The following TRDN variants were observed in gnomAD, a reference collection of about 807,000 sequenced individuals.
TRDN encodes the protein triadin in skeletal muscle.
A neutral mutation model predicts 149.7 loss-of-function variants in TRDN; 161 were observed. The ratio of observed to expected loss-of-function variants is 1.08; its 90% CI spans 0.95 to 1.23. The LOEUF (loss-of-function observed/expected upper bound fraction) is 1.23. TRDN is among the 50% of genes most tolerant of loss of function. TRDN has a pLI of 0.00. For missense variants in TRDN, 896 were observed against 823.5 expected, an observed-to-expected ratio of 1.09 and a Z score of -1.08; for synonymous variants, 294 against 250.5, an observed-to-expected ratio of 1.17 and a Z score of -1.64.
chr6:123,572,041 C>T (rs540722718), intron 1 of TRDN, among the ~76,000 whole-genome samples: 4 of 152,148 alleles, frequency 2.6e-5, no homozygotes, highest in East Asian at 1.9e-4. Context: ...AATACATGCA[C>T]GTATTTGAAA....
intron 7 of TRDN, chr6:123,509,773 C>T (rs1236316051): frequency 1.3e-5 from 2 of 150,874 alleles, no homozygotes; most frequent in East Asian, 3.9e-4. Context: ...TAATGCTTTA[C>T]AAAGCAATAA....
chr6:123,244,772 T>G (rs1193167391), intron 38 of TRDN, among the ~76,000 whole-genome samples: 1 of 151,442 alleles, frequency 6.6e-6, no homozygotes, highest in East Asian at 1.9e-4. Flanking sequence ...TCAAGAAGAG[T>G]AACTCCAAGA....
intron 1 of TRDN, among the ~76,000 whole-genome samples, chr6:123,574,730 T>C (rs1782744685): frequency 6.6e-6 from 1 of 151,520 alleles, no homozygotes; most frequent in Admixed American, 6.6e-5. Context: ...TAAACAGTAT[T>C]ACACATACCT....
At chr6:123,433,119 A>G (rs1252204196) in intron 12 of TRDN, among the ~76,000 whole-genome samples, 1 of 136,086 alleles carries the variant, frequency 7.3e-6, no homozygotes. Context: ...TACAAACCAC[A>G]CTCCCCTTCC....
chr6:123,475,749 T>C (rs575331632), intron 9 of TRDN, among the ~76,000 whole-genome samples: 135 of 138,918 alleles, frequency 9.7e-4, no homozygotes, highest in African/African-American at 3.6e-3. Context: ...CAAGGCTGGT[T>C]CAATATACGC....
chr6:123,401,326 A>G (rs1424446429), intron 12 of TRDN, among the ~76,000 whole-genome samples: 2 of 152,226 alleles, frequency 1.3e-5, no homozygotes, highest in East Asian at 3.9e-4. Context: ...AAGCAGCCCA[A>G]GGAAGAATTC....
At chr6:123,262,648 C>T (rs1246792041) in intron 33 of TRDN, among the ~76,000 whole-genome samples, 1 of 152,032 alleles carries the variant, frequency 6.6e-6, no homozygotes, top group Non-Finnish European at 1.5e-5. Context: ...TTTGTAGCAA[C>T]CCTGTATGAT....
At chr6:123,364,916 G>A (rs1275177255) in intron 20 of TRDN, among the ~76,000 whole-genome samples, 1 of 152,106 alleles carries the variant, frequency 6.6e-6, no homozygotes, top group Non-Finnish European at 1.5e-5. Flanking sequence ...AAGCAAACAA[G>A]TTTAACCCAC....
rs572692118 is a variant in TRDN, at chr6:123,261,359, T to C, written c.1805-721A>G. Among the ~76,000 whole-genome samples the C allele has an allele frequency of 1.6e-3, 239 of 151,996 alleles. 1 individual carries two copies. The highest frequency in any genetic ancestry group is 2.4e-3 in the Admixed American group (37 of 15,224). ...AGATTAAAAGTTAATAAAAACAAAC[T>C]CAGTTCATATTGACTACAGTCTGAT... is the stretch of plus-strand genomic sequence containing the variant. On this transcript the variant is annotated intron_variant, in intron 33 of 40. Transcript: ENST00000334268.
At chr6:123,582,305 G>A (rs1164770960) in intron 1 of TRDN, among the ~76,000 whole-genome samples, 2 of 152,146 alleles carry the variant, frequency 1.3e-5, no homozygotes, top group African/African-American at 4.8e-5. Flanking sequence ...ATAGACAGGT[G>A]TGTCTGGGTT....
At chr6:123,331,299 T>A (rs921971651) in intron 23 of TRDN, among the ~76,000 whole-genome samples, 5 of 152,068 alleles carry the variant, frequency 3.3e-5, no homozygotes, top group African/African-American at 9.7e-5. Flanking sequence ...AGATGCAACA[T>A]GGCACATTAG....
chr6:123,289,941 A>G (rs1239854561), intron 24 of TRDN, among the ~76,000 whole-genome samples: 8 of 152,162 alleles, frequency 5.3e-5, no homozygotes, highest in Non-Finnish European at 1.2e-4. Flanking sequence ...GTTCTCCACC[A>G]ACTCCAGAGC....
chr6:123,636,001 C>A (rs1786293057), intron 1 of TRDN, among the ~76,000 whole-genome samples: 1 of 151,690 alleles, frequency 6.6e-6, no homozygotes, highest in Non-Finnish European at 1.5e-5. Context: ...AGCATTGAAA[C>A]AGAAAATATT....
intron 7 of TRDN, among the ~76,000 whole-genome samples, chr6:123,511,820 ATTC>A (rs1320889806): frequency 3.7e-5 from 3 of 80,498 alleles, no homozygotes; most frequent in Admixed American, 2.2e-4. Flanking sequence ...CAGAATTCAT[ATTC>A]TTCTCACGTT....
chr6:123,279,150 T>C (rs1446499478), intron 24 of TRDN, 68 bp from the exon 25 acceptor site: 15 of 1,198,448 alleles, frequency 1.3e-5, no homozygotes, highest in Non-Finnish European at 1.6e-5. Flanking sequence ...CATTATTGAA[T>C]ATGATATAAT....
chr6:123,629,110 G>C (rs992660790), intron 1 of TRDN, among the ~76,000 whole-genome samples: 1 of 152,038 alleles, frequency 6.6e-6, no homozygotes, highest in African/African-American at 2.4e-5. Flanking sequence ...CTCCAGCAGT[G>C]AATGTCAGAG....
intron 38 of TRDN, among the ~76,000 whole-genome samples, chr6:123,247,449 C>T (rs1776222851): frequency 6.6e-6 from 1 of 152,100 alleles, no homozygotes; most frequent in Non-Finnish European, 1.5e-5. Context: ...TTCCTATACA[C>T]CAATAATAGA....
intron 33 of TRDN, among the ~76,000 whole-genome samples, chr6:123,261,512 A>G (rs1000496745): frequency 6.6e-6 from 1 of 151,462 alleles, no homozygotes; most frequent in African/African-American, 2.4e-5. Flanking sequence ...GTTTTTTTTA[A>G]AAAAAACTTT....
At chr6:123,273,525 G>A (rs1415430907) in intron 27 of TRDN, among the ~76,000 whole-genome samples, 162 bp from the exon 28 acceptor site, 2 of 151,900 alleles carry the variant, frequency 1.3e-5, no homozygotes, top group Non-Finnish European at 2.9e-5. Context: ...AATACAAAAT[G>A]CTTATATCTG....
Sources: allele counts gnomAD v4.1 joint callset (sites outside exome capture counted in the v4.1 genomes callset), GRCh38; gene constraint gnomAD v4.1.1; transcripts MANE v1.5; gene names NCBI Gene and HGNC (gene_info 2026-07-23, HGNC 2026-07-21).